HS6ST1: variants seen among roughly 807,000 people sequenced by gnomAD.
HS6ST1 encodes heparan-sulfate 6-O-sulfotransferase 1.
Under a neutral mutation model 25.2 loss-of-function variants are expected in HS6ST1, and 3 were observed. The ratio of observed to expected loss-of-function variants is 0.12; its 90% CI spans 0.05 to 0.31. HS6ST1 has a LOEUF of 0.31. Ranked by LOEUF, HS6ST1 falls within the 10% of genes least tolerant of loss-of-function variation. The probability of loss-of-function intolerance (pLI) is 1.00; values close to 1 mark genes in which losing one functional copy is unlikely to be tolerated. For missense variants in HS6ST1, 310 were observed against 609.6 expected, an observed-to-expected ratio of 0.51 and a Z score of 5.18; for synonymous variants, 204 against 275.1, an observed-to-expected ratio of 0.74 and a Z score of 2.56.
intron 1 of HS6ST1, among the ~76,000 whole-genome samples, chr2:128,273,423 AC>A (rs1344449871): frequency 4.6e-5 from 7 of 152,206 alleles, no homozygotes; most frequent in Admixed American, 6.5e-5. Flanking sequence ...TGCAGATGTG[AC>A]AGCTGATCCA....
At chr2:128,272,602 C>T (rs886855341) in intron 1 of HS6ST1, among the ~76,000 whole-genome samples, 3 of 152,138 alleles carry the variant, frequency 2.0e-5, no homozygotes, top group Non-Finnish European at 2.9e-5. Flanking sequence ...CCTGCAGGGG[C>T]AGTGTCTTGA....
chr2:128,276,674 A>C (rs143110878), intron 1 of HS6ST1, among the ~76,000 whole-genome samples: 2 of 152,266 alleles, frequency 1.3e-5, no homozygotes, highest in African/African-American at 4.8e-5. Flanking sequence ...GAAAGGAAGA[A>C]AGACAAATTG....
At chr2:128,274,703 G>A (rs1410865366) in intron 1 of HS6ST1, among the ~76,000 whole-genome samples, 4 of 152,182 alleles carry the variant, frequency 2.6e-5, no homozygotes, top group African/African-American at 7.2e-5. Flanking sequence ...AAGGCCAGGC[G>A]TGGTGACTCA....
rs549898579 is a variant in HS6ST1 at position 128,312,850 on chromosome 2, C to T, written c.527+5187G>A. Among the ~76,000 whole-genome samples the T allele has an allele frequency of 2.0e-5, 3 of 152,206 alleles. No homozygotes were observed. In the East Asian group the frequency reaches 5.8e-4, roughly 29 times the overall value. ...GAAGTCGGGCAGATCACCTGAGGTC[C>T]CGAGTTCGAGACTAGCCTGGCCAAC... On this transcript the variant is annotated intron_variant, in intron 1 of 1. Coordinates refer to ENST00000259241, the MANE Select transcript of HS6ST1 (RefSeq NM_004807.3).
intron 1 of HS6ST1, among the ~76,000 whole-genome samples, chr2:128,270,610 C>T (rs992822296): frequency 6.6e-6 from 1 of 152,240 alleles, no homozygotes; most frequent in Non-Finnish European, 1.5e-5. Context: ...CTGTCTCCTG[C>T]CTCAGGCTCA....
intron 1 of HS6ST1, among the ~76,000 whole-genome samples, chr2:128,312,076 A>C (rs1212255491): frequency 6.6e-6 from 1 of 152,254 alleles, no homozygotes; most frequent in Admixed American, 6.5e-5. Flanking sequence ...GCAACGACAC[A>C]GGCCTACATG....
intron 1 of HS6ST1, among the ~76,000 whole-genome samples, chr2:128,306,447 T>C (rs1237887330): frequency 1.3e-5 from 2 of 152,144 alleles, no homozygotes; most frequent in African/African-American, 4.8e-5. Flanking sequence ...AAAACCTCAG[T>C]GCTTACAGAT....
chr2:128,288,931 C>T (rs998587651), intron 1 of HS6ST1, among the ~76,000 whole-genome samples: 7 of 152,082 alleles, frequency 4.6e-5, no homozygotes, highest in Middle Eastern at 3.2e-3. Flanking sequence ...TGTCAGGGTC[C>T]GAGGCAAAGT....
At position 128,268,787 on chromosome 2, in the gene HS6ST1, C is replaced by T. The variant is rs1189204781; in HGVS notation, c.611G>A (p.Trp204Ter). 6.2e-7 allele frequency: 1 copy of T among 1,612,898 alleles called. No individual in the cohort carries two copies. The highest frequency in any genetic ancestry group is 1.7e-5 in the Admixed American group (1 of 60,024). ...ATCACACATATGCAACGACGTCTTCCACGTGGCACCCCTCTGCACATGCCG... is the reference window on the plus strand; with the variant it reads ...ATCACACATATGCAACGACGTCTTCTACGTGGCACCCCTCTGCACATGCCG... ...EWRHVQRGAT[W>*]KTSLHMCDGR... is the part of the protein sequence containing the mutation. The change falls in exon 2 of 2, where the codon TGG becomes TAG. Residue 204 changes from tryptophan (W) to a stop codon, truncating the protein, a stop_gained. Transcript: ENST00000259241. LOFTEE classifies it high-confidence loss of function.
rs542551709 is a variant in HS6ST1, at chr2:128,318,246, G to A, written c.318C>T (p.Leu106=). The change falls in exon 1 of 2, where the codon CTC becomes CTT. Residue 106 remains leucine (L), a synonymous_variant. Transcript: ENST00000259241. This position sits in a 1 kb window ranked among gnomAD's most constrained non-coding sequence, Gnocchi z 5.7. The stretch of plus-strand genomic sequence containing the variant: ...GCACCTCGAGGCGTACGTTCTGCAC[G>A]AGGTGGCGGCCGAAGGTGGTGCCGC... ...KTGGTTFGRH[L]VQNVRLEVPC... 6.4e-7 allele frequency: 1 copy of A among 1,570,394 alleles called. No homozygotes were observed. The highest frequency in any genetic ancestry group is 1.4e-5 in the African/African-American group (1 of 73,164).
intron 1 of HS6ST1, among the ~76,000 whole-genome samples, chr2:128,272,455 C>T (rs1004039681): frequency 6.6e-6 from 1 of 152,206 alleles, no homozygotes; most frequent in African/African-American, 2.4e-5. Flanking sequence ...GCTCTAGTAG[C>T]CCCAGATGGC....
intron 1 of HS6ST1, among the ~76,000 whole-genome samples, chr2:128,314,768 G>C (rs1264050270): frequency 6.6e-6 from 1 of 152,244 alleles, no homozygotes; most frequent in Non-Finnish European, 1.5e-5. Context: ...GAGAGGATGT[G>C]AGCTGGTCCC....
intron 1 of HS6ST1, among the ~76,000 whole-genome samples, chr2:128,303,020 T>C (rs1694156724): frequency 6.6e-6 from 1 of 152,196 alleles, no homozygotes; most frequent in Admixed American, 6.5e-5. Flanking sequence ...TGACCACATG[T>C]TTCTCTGGTC....
rs1693553700 is a variant in HS6ST1 at position 128,268,231 on chromosome 2, C to T, written c.1167G>A (p.Arg389=). The stretch of plus-strand genomic sequence containing the variant: ...CGCGGCCCGGCTCGTCGGCATCCTC[C>T]CGCGGCAGTGCCTCCTTGGCCCGGT... The part of the protein sequence containing the change: ...LLHRAKEALP[R]EDADEPGRVP... The change falls in exon 2 of 2, where the codon CGG becomes CGA. Residue 389 remains arginine (R), a synonymous_variant. Transcript: ENST00000259241. The T allele has an allele frequency of 3.1e-6, 5 of 1,610,636 alleles. No homozygotes were observed. Among genetic ancestry groups the T allele is most frequent in the Non-Finnish European group, 4.2e-6 (5 of 1,179,152 alleles).
intron 1 of HS6ST1, among the ~76,000 whole-genome samples, chr2:128,307,123 G>T (rs1305481663): frequency 6.6e-6 from 1 of 152,112 alleles, no homozygotes; most frequent in Non-Finnish European, 1.5e-5. Context: ...ATCTCAAAGG[G>T]ACTCCAACAC....
At chr2:128,272,975 C>T (rs1028003926) in intron 1 of HS6ST1, among the ~76,000 whole-genome samples, 3 of 152,142 alleles carry the variant, frequency 2.0e-5, no homozygotes, top group African/African-American at 7.2e-5. Flanking sequence ...CCTGAGCCAG[C>T]GAAAGCCCTC....
At chr2:128,288,340 G>A (rs1458536217) in intron 1 of HS6ST1, among the ~76,000 whole-genome samples, 1 of 152,158 alleles carries the variant, frequency 6.6e-6, no homozygotes, top group Non-Finnish European at 1.5e-5. Flanking sequence ...TTTGTACCCT[G>A]CTATGAAACT....
intron 1 of HS6ST1, among the ~76,000 whole-genome samples, chr2:128,281,482 C>T (rs1693785376): frequency 6.6e-6 from 1 of 152,214 alleles, no homozygotes; most frequent in South Asian, 2.1e-4. Context: ...TAGAGACAGC[C>T]TTCTTTGCCC....
In HS6ST1 at chr2:128,267,137, A is replaced by T. The variant is rs1693531357; in HGVS notation, c.*1025T>A. 1 of 152,158 alleles carries T rather than the reference A, an allele frequency of 6.6e-6. No individual in the cohort carries two copies. Among genetic ancestry groups the T allele is most frequent in the Admixed American group, 6.5e-5 (1 of 15,274 alleles). 9.4% of individuals were successfully genotyped at this position (152,158 alleles called of 1,614,324 possible). A position where few individuals can be genotyped will look rare whatever the true frequency, so the allele number is the denominator to read the frequency against. Reference sequence around the variant, plus strand: ...GGGCTATGGTCCCATGCTCCAGCCGATGGAAGCCTGATGAACTTAATCCGT... The same window carrying T: ...GGGCTATGGTCCCATGCTCCAGCCGTTGGAAGCCTGATGAACTTAATCCGT... On this transcript the variant is annotated 3_prime_UTR_variant, in exon 2 of 2. Transcript: ENST00000259241.
Sources: gnomAD v4.1 joint callset for allele counts (sites outside exome capture counted in the v4.1 genomes callset) on GRCh38, gnomAD v4.1.1 for gene constraint, Gnocchi (gnomAD v3.1) non-coding constraint, MANE v1.5 for transcripts, NCBI Gene and HGNC (gene_info 2026-07-23, HGNC 2026-07-21) for gene names.